Variants in KIAA2012 observed in about 807,000 individuals in gnomAD.
KIAA2012 encodes uncharacterized protein KIAA2012.
In KIAA2012, 125 loss-of-function variants were observed where a neutral mutation model predicts 150.6. The ratio of observed to expected loss-of-function variants is 0.83; its 90% CI spans 0.72 to 0.96. The LOEUF is 0.96. Ranked by LOEUF, KIAA2012 falls within the 40% of genes least tolerant of loss-of-function variation. The pLI, the probability that KIAA2012 is intolerant of heterozygous loss-of-function variation, is 0.00. For synonymous variants in KIAA2012, 462 were observed against 504.7 expected, an observed-to-expected ratio of 0.92 and a Z score of 1.13; for missense variants, 1,219 against 1,354.9, an observed-to-expected ratio of 0.90 and a Z score of 1.57.
chr2:202,085,514 G>C (rs1375892728), intron 2 of KIAA2012, among the ~76,000 whole-genome samples: 1 of 152,164 alleles, frequency 6.6e-6, no homozygotes, highest in Non-Finnish European at 1.5e-5. Flanking sequence ...AAGGAATGAA[G>C]GTGGGGGTGA....
chr2:202,098,457 G>C (rs937788380), intron 5 of KIAA2012, among the ~76,000 whole-genome samples: 3 of 152,218 alleles, frequency 2.0e-5, no homozygotes, highest in African/African-American at 7.2e-5. Flanking sequence ...TAGATACAGA[G>C]AGCTTGGAGA....
At chr2:202,173,893 CAA>C (rs1456965819) in intron 15 of KIAA2012, among the ~76,000 whole-genome samples, 1 of 152,172 alleles carries the variant, frequency 6.6e-6, no homozygotes, top group East Asian at 1.9e-4. Flanking sequence ...TTGATTTTGA[CAA>C]AGAGTATCCA....
intron 15 of KIAA2012, among the ~76,000 whole-genome samples, chr2:202,177,853 T>C (rs1692028592): frequency 2.0e-5 from 3 of 152,192 alleles, no homozygotes; most frequent in African/African-American, 7.2e-5. Context: ...CATAGTAGCA[T>C]GTGATAAATG....
intron 12 of KIAA2012, among the ~76,000 whole-genome samples, chr2:202,132,349 T>A (rs1251637019): frequency 6.6e-6 from 1 of 152,004 alleles, no homozygotes; most frequent in Non-Finnish European, 1.5e-5. Context: ...ATATCTTTAT[T>A]TGTTTGAGAA....
intron 22 of KIAA2012, among the ~76,000 whole-genome samples, chr2:202,200,093 G>T (rs1692488255): frequency 6.6e-6 from 1 of 151,888 alleles, no homozygotes; most frequent in Non-Finnish European, 1.5e-5. Context: ...ACCACGCCCA[G>T]CTAATTTTTG....
chr2:202,158,226 C>G (rs909027624), intron 14 of KIAA2012, among the ~76,000 whole-genome samples: 1 of 152,052 alleles, frequency 6.6e-6, no homozygotes, highest in Admixed American at 6.6e-5. Context: ...CATCTCCTGA[C>G]CTCGCAATCC....
Position 202,193,627 on chromosome 2 carries a change from T to G in KIAA2012, c.3014+124T>G, listed in dbSNP as rs1692359469. ...CATGCCCTGAAGTTAAAATAGCATG[T>G]GTCATTTTTCTCTATCCTCAGTTTT... is the stretch of plus-strand genomic sequence containing the variant. On this transcript the variant is annotated intron_variant, in intron 20 of 23. Coordinates refer to ENST00000498697, the MANE Select transcript of KIAA2012 (RefSeq NM_001277372.4). 4.2e-6 allele frequency: 4 copies of G among 961,490 alleles called. No individual in the cohort carries two copies. In the East Asian group the frequency reaches 1.0e-4, roughly 25 times the overall value. 59.6% of individuals were successfully genotyped at this position (961,490 alleles called of 1,614,324 possible).
At chr2:202,078,198 C>A (rs1689365698) in intron 2 of KIAA2012, among the ~76,000 whole-genome samples, 1 of 152,258 alleles carries the variant, frequency 6.6e-6, no homozygotes, top group African/African-American at 2.4e-5. Context: ...GAACATTGAT[C>A]AAATGAACTC....
chr2:202,145,084 A>G (rs1196836186), intron 13 of KIAA2012, among the ~76,000 whole-genome samples: 5 of 152,164 alleles, frequency 3.3e-5, no homozygotes, highest in Admixed American at 3.3e-4. Flanking sequence ...TCTGAGGCTG[A>G]CAAGTAAGAT....
chr2:202,165,414 T>A, intron 15 of KIAA2012, 58 bp downstream of exon 15: 1 of 1,498,890 alleles, frequency 6.7e-7, no homozygotes, highest in Non-Finnish European at 9.1e-7. Flanking sequence ...AGATGAACTT[T>A]GCACTGTTAA....
rs765643389 is a variant in KIAA2012, at chr2:202,093,098, C to G, written c.598C>G (p.Gln200Glu). Reference sequence around the variant, plus strand: ...TGTACCAAAGAAGCTCAGGCCACAACAAGATCTTTCAGGTGTACCCCCAAA... The same window carrying G: ...TGTACCAAAGAAGCTCAGGCCACAAGAAGATCTTTCAGGTGTACCCCCAAA... The part of the protein sequence containing the change: ...LNVPKKLRPQ[Q>E]DLSGVPPKYH... Residue 200 changes from glutamine (Q) to glutamate (E), a missense_variant, in exon 4 of 24, where the codon CAA becomes GAA. Physicochemically the swap from Gln to Glu is conservative, Grantham distance 29. Transcript: ENST00000498697. 6.5e-7 allele frequency: 1 copy of G among 1,550,180 alleles called. No individual in the cohort carries two copies. The highest frequency in any genetic ancestry group is 1.4e-5 in the African/African-American group (1 of 73,050).
Position 202,073,676 on chromosome 2 carries a change from G to C in KIAA2012, c.49G>C (p.Asp17His). 1 of 1,550,412 alleles carries C rather than the reference G, an allele frequency of 6.4e-7. No individual in the cohort carries two copies. The highest frequency in any genetic ancestry group is 2.4e-5 in the East Asian group (1 of 40,914). ...LSRGHGKLGQ[D>H]KQKLEVYFEP... ...CCGGGGCCACGGGAAGCTGGGCCAG[G>C]ACAAACAGAAGTTAGAAGTCTACTT... The change falls in exon 1 of 24, where the codon GAC becomes CAC. Residue 17 changes from aspartate (D) to histidine (H), a missense_variant. Physicochemically the swap from Asp to His is moderately conservative, Grantham distance 81 (BLOSUM62 -1). Transcript: ENST00000498697.
intron 2 of KIAA2012, chr2:202,076,805 T>C (rs1442385427): frequency 8.2e-6 from 3 of 366,522 alleles, no homozygotes; most frequent in Non-Finnish European, 1.6e-5. Context: ...CACTGGTCAT[T>C]GTGCTGGTCA....
intron 19 of KIAA2012, among the ~76,000 whole-genome samples, chr2:202,192,937 C>T (rs1276663555): frequency 6.6e-6 from 1 of 152,140 alleles, no homozygotes. Context: ...TTGAAAGCTC[C>T]TTGGGTGATT....
chr2:202,140,547 G>T (rs1209091351), intron 13 of KIAA2012, among the ~76,000 whole-genome samples: 1 of 152,170 alleles, frequency 6.6e-6, no homozygotes. Context: ...GAGAAAACAG[G>T]GTGGGAGGGA....
chr2:202,158,700 AT>A (rs199576121), intron 14 of KIAA2012, among the ~76,000 whole-genome samples: 6 of 152,018 alleles, frequency 3.9e-5, no homozygotes, highest in African/African-American at 1.4e-4. Context: ...AGAAAAAAAA[AT>A]TTTTTGAACC....
chr2:202,076,011 C>T (rs890724804), intron 2 of KIAA2012, among the ~76,000 whole-genome samples: 2 of 152,226 alleles, frequency 1.3e-5, no homozygotes, highest in African/African-American at 2.4e-5. Flanking sequence ...ATGTGATTAG[C>T]TCATCATTCC....
At chr2:202,186,511 CAA>C (rs57585341) in intron 16 of KIAA2012, among the ~76,000 whole-genome samples, 1 of 144,050 alleles carries the variant, frequency 6.9e-6, no homozygotes, top group African/African-American at 2.5e-5. Context: ...GACTCCGTCT[CAA>C]AAAAAAAAAA....
At chr2:202,186,358 A>G (rs1036772714) in intron 16 of KIAA2012, among the ~76,000 whole-genome samples, 19 of 152,064 alleles carry the variant, frequency 1.2e-4, no homozygotes, top group African/African-American at 4.3e-4. Flanking sequence ...ACTAAAATAC[A>G]AAAATTAGCC....
Sources: gnomAD v4.1 joint callset for allele counts (sites outside exome capture counted in the v4.1 genomes callset) on GRCh38, gnomAD v4.1.1 for gene constraint, MANE v1.5 for transcripts, NCBI Gene and HGNC (gene_info 2026-07-23, HGNC 2026-07-21) for gene names.